HPSE2: variants seen among roughly 807,000 people sequenced by gnomAD.
HPSE2 encodes heparanase 2 (inactive).
A neutral mutation model predicts 60.5 loss-of-function variants in HPSE2; 38 were observed. The observed-to-expected ratio is 0.63, with a 90% confidence interval of 0.48 to 0.82. HPSE2 has a LOEUF of 0.82. Among genes scored for constraint, HPSE2 ranks in the 40% least tolerant of loss-of-function variants. The probability of loss-of-function intolerance (pLI) is 0.00; values close to 1 mark genes in which losing one functional copy is unlikely to be tolerated. For synonymous variants in HPSE2, 295 were observed against 293.2 expected (o/e 1.01, Z -0.06); for missense variants, 713 against 740.4 (o/e 0.96, Z 0.43).
intron 9 of HPSE2, among the ~76,000 whole-genome samples, chr10:98,503,869 G>T (rs765849535): frequency 1.2e-4 from 18 of 152,136 alleles, no homozygotes; most frequent in Non-Finnish European, 2.4e-4. Context: ...GGAAGAGTGG[G>T]AGGGGAGCAA....
intron 2 of HPSE2, among the ~76,000 whole-genome samples, chr10:99,158,069 G>T (rs1468162323): frequency 7.0e-6 from 1 of 142,322 alleles, no homozygotes; most frequent in Non-Finnish European, 1.5e-5. Context: ...TCTCACACCA[G>T]TTAGAATGGC....
Position 98,793,580 on chromosome 10 carries a change from A to G in HPSE2, c.611-49524T>C, listed in dbSNP as rs530911173. Among the ~76,000 whole-genome samples the G allele has an allele frequency of 6.6e-4, 100 of 152,354 alleles. No homozygotes were observed. The Middle Eastern group carries it at 0.01, about 16-fold the overall frequency. ...ATAGGTAGGAACAGAAGAGTGTGGGATGAGGGAAGTAACAGGCAATACTTA... is the reference window on the plus strand; with the variant it reads ...ATAGGTAGGAACAGAAGAGTGTGGGGTGAGGGAAGTAACAGGCAATACTTA... On this transcript the variant is annotated intron_variant, in intron 3 of 11. Transcript: ENST00000370552.
chr10:99,091,593 C>A (rs1308511776), intron 3 of HPSE2, among the ~76,000 whole-genome samples: 1 of 152,014 alleles, frequency 6.6e-6, no homozygotes, highest in Admixed American at 6.5e-5. Context: ...AAAACAACAA[C>A]AAAAAAAATG....
At chr10:98,699,295 A>G (rs1220747881) in intron 5 of HPSE2, among the ~76,000 whole-genome samples, 7 of 151,378 alleles carry the variant, frequency 4.6e-5, no homozygotes, top group Admixed American at 6.6e-5. Flanking sequence ...TATCCACCAT[A>G]ATCAAGTGGG....
intron 9 of HPSE2, among the ~76,000 whole-genome samples, chr10:98,534,417 T>TG (rs994542604): frequency 1.4e-4 from 22 of 152,162 alleles, no homozygotes; most frequent in African/African-American, 5.3e-4. Flanking sequence ...TTAATTTTTT[T>TG]TTTTGAGGCA....
chr10:98,569,681 A>G (rs184164740), intron 9 of HPSE2, among the ~76,000 whole-genome samples: 24 of 152,244 alleles, frequency 1.6e-4, no homozygotes, highest in Admixed American at 1.2e-3. Flanking sequence ...CACTTTTCAA[A>G]TCTGTGCTAA....
chr10:99,239,070 A>G (rs901463873), upstream of HPSE2, among the ~76,000 whole-genome samples: 2 of 152,096 alleles, frequency 1.3e-5, no homozygotes, highest in Non-Finnish European at 2.9e-5. Flanking sequence ...GAGACAGAAG[A>G]ATTGCTTGAA....
chr10:98,844,587 T>A (rs150686779), intron 3 of HPSE2, among the ~76,000 whole-genome samples: 1 of 152,118 alleles, frequency 6.6e-6, no homozygotes, highest in Non-Finnish European at 1.5e-5. Flanking sequence ...TTAGTAGTAA[T>A]CATAAATTTG....
chr10:98,613,811 T>C (rs901983823), intron 9 of HPSE2, among the ~76,000 whole-genome samples: 2 of 152,220 alleles, frequency 1.3e-5, no homozygotes, highest in Admixed American at 6.5e-5. Flanking sequence ...CAAGGAGGGA[T>C]CCCAGCTCTG....
chr10:99,232,824 C>A (rs1280374645), intron 1 of HPSE2, among the ~76,000 whole-genome samples: 1 of 152,264 alleles, frequency 6.6e-6, no homozygotes, highest in South Asian at 2.1e-4. Context: ...GGTGGGTGTA[C>A]GTGCTACGAG....
the HPSE2 span, among the ~76,000 whole-genome samples, chr10:99,280,050 G>A: frequency 6.6e-6 from 1 of 152,214 alleles, no homozygotes; most frequent in Non-Finnish European, 1.5e-5. Context: ...GTCCAGGAGA[G>A]CTGGGTTCTT....
chr10:98,943,242 TA>T (rs1027855164), intron 3 of HPSE2, among the ~76,000 whole-genome samples: 9 of 150,896 alleles, frequency 6.0e-5, no homozygotes, highest in Non-Finnish European at 1.3e-4. Context: ...AATAATACAA[TA>T]AAAAATTATA....
chr10:99,314,743 A>G, the HPSE2 span, among the ~76,000 whole-genome samples: 1 of 152,216 alleles, frequency 6.6e-6, no homozygotes, highest in Non-Finnish European at 1.5e-5. Flanking sequence ...TTATTTTTAA[A>G]TATAAGCTCT....
intron 3 of HPSE2, among the ~76,000 whole-genome samples, chr10:98,947,843 A>G (rs1490290745): frequency 1.3e-5 from 2 of 152,184 alleles, no homozygotes; most frequent in African/African-American, 4.8e-5. Flanking sequence ...GATTGGTTCC[A>G]TTGATGCTTT....
At chr10:99,005,448 G>A (rs970372962) in intron 3 of HPSE2, among the ~76,000 whole-genome samples, 16 of 151,758 alleles carry the variant, frequency 1.1e-4, no homozygotes, top group African/African-American at 3.4e-4. Context: ...GCTTTCTATT[G>A]CATTTTTCAC....
At chr10:99,159,755 G>T in intron 2 of HPSE2, among the ~76,000 whole-genome samples, 1 of 152,112 alleles carries the variant, frequency 6.6e-6, no homozygotes, top group East Asian at 1.9e-4. Context: ...GTTAAGTACA[G>T]ATTTCTTAGT....
intron 3 of HPSE2, among the ~76,000 whole-genome samples, chr10:98,807,186 G>A (rs150952831): frequency 3.9e-5 from 6 of 152,060 alleles, no homozygotes; most frequent in Admixed American, 6.6e-5. Flanking sequence ...TCTCAAATAC[G>A]CATCACTCAG....
chr10:98,731,084 A>G (rs1362970314), intron 4 of HPSE2, among the ~76,000 whole-genome samples: 1 of 152,212 alleles, frequency 6.6e-6, no homozygotes, highest in Non-Finnish European at 1.5e-5. Context: ...CAGAAGTTCA[A>G]GACCCACCTG....
chr10:98,926,421 T>C lies in HPSE2; in HGVS notation c.611-182365A>G, dbSNP rs1954464998. Among the ~76,000 whole-genome samples, 3 of 152,080 alleles carry C rather than the reference T, an allele frequency of 2.0e-5. No homozygotes were observed. In the South Asian group the frequency reaches 6.2e-4, roughly 32 times the overall value. ...AGGTAATGGTACAATACAGCTAGGA[T>C]TACCCACTCTTGGAAACAGATCTAA... is the stretch of plus-strand genomic sequence containing the variant. On this transcript the variant is annotated intron_variant, in intron 3 of 11. Transcript: ENST00000370552.
Sources: gnomAD v4.1 joint callset for allele counts (sites outside exome capture counted in the v4.1 genomes callset) on GRCh38, gnomAD v4.1.1 for gene constraint, MANE v1.5 for transcripts, NCBI Gene and HGNC (gene_info 2026-07-23, HGNC 2026-07-21) for gene names.